Variants in TMPRSS11B observed in about 807,000 individuals in gnomAD.
TMPRSS11B encodes the protein transmembrane serine protease 11B.
In TMPRSS11B, 53 loss-of-function variants were observed where a neutral mutation model predicts 44.7. The observed-to-expected ratio is 1.19, with a 90% CI of 0.95 to 1.49. The LOEUF (loss-of-function observed/expected upper bound fraction) is 1.49. TMPRSS11B is among the 40% of genes most tolerant of loss of function. The pLI, the probability that TMPRSS11B is intolerant of heterozygous loss-of-function variation, is 0.00. For missense variants in TMPRSS11B, 526 were observed against 494.8 expected (o/e 1.06, Z -0.60); for synonymous variants, 140 against 159.2 (o/e 0.88, Z 0.91).
At chr4:68,243,947 C>G (rs574806814) in intron 1 of TMPRSS11B, among the ~76,000 whole-genome samples, 1 of 152,202 alleles carries the variant, frequency 6.6e-6, no homozygotes, top group African/African-American at 2.4e-5. Context: ...TGACTTTTTC[C>G]TCCTCACATG....
intron 2 of TMPRSS11B, among the ~76,000 whole-genome samples, chr4:68,237,301 G>A (rs1262204778): frequency 6.6e-6 from 1 of 152,126 alleles, no homozygotes; most frequent in Non-Finnish European, 1.5e-5. Flanking sequence ...GTACTCCATG[G>A]TGTATATGTG....
At chr4:68,244,534 G>A (rs923745177) in intron 1 of TMPRSS11B, among the ~76,000 whole-genome samples, 3 of 152,212 alleles carry the variant, frequency 2.0e-5, no homozygotes, top group Non-Finnish European at 4.4e-5. Context: ...GCTGAGGCAC[G>A]AGAATGGCTT....
At chr4:68,242,271 A>AATAT (rs1553896846) in intron 1 of TMPRSS11B, among the ~76,000 whole-genome samples, 95 of 73,940 alleles carry the variant, frequency 1.3e-3, no homozygotes, top group African/African-American at 6.7e-3. Context: ...TATATAATAT[A>AATAT]ATATTATATA....
At chr4:68,242,781 A>G (rs546530563) in intron 1 of TMPRSS11B, among the ~76,000 whole-genome samples, 1 of 152,120 alleles carries the variant, frequency 6.6e-6, no homozygotes, top group Admixed American at 6.6e-5. Context: ...TGCCCAGGCT[A>G]GTCTCAAACT....
rs769036638 is a variant in TMPRSS11B at position 68,231,473 on chromosome 4, G to T, written c.509-93C>A. The stretch of plus-strand genomic sequence containing the variant: ...TAAAAATTACTTGAAACCTTTCAGT[G>T]ATTATTCAACTTCTCCTAATTGATG... On this transcript the variant is annotated intron_variant, in intron 6 of 9. Coordinates refer to ENST00000332644, the MANE Select transcript of TMPRSS11B (RefSeq NM_182502.3). The T allele has an allele frequency of 4.3e-4, 506 of 1,165,262 alleles. 1 individual carries two copies. Among genetic ancestry groups the T allele is most frequent in the Non-Finnish European group, 5.7e-4 (475 of 840,172 alleles). The allele number at this position is 1,165,262 out of a possible 1,614,324, so 72.2% of individuals were successfully genotyped here. A position where few individuals can be genotyped will look rare whatever the true frequency, so the allele number is the denominator to read the frequency against.
chr4:68,234,713 C>T (rs1719615043), intron 4 of TMPRSS11B, 90 bp from the exon 5 acceptor site: 5 of 1,363,722 alleles, frequency 3.7e-6, no homozygotes, highest in Non-Finnish European at 5.0e-6. Context: ...TTAATTATCA[C>T]ATTTTCTTTA....
intron 6 of TMPRSS11B, 66 bp downstream of exon 6, chr4:68,232,312 A>C: frequency 1.4e-6 from 2 of 1,453,344 alleles, no homozygotes; most frequent in Non-Finnish European, 1.9e-6. Context: ...AGTATTTTTA[A>C]TAGAAAAATA....
intron 2 of TMPRSS11B, among the ~76,000 whole-genome samples, chr4:68,238,884 G>A (rs1272141304): frequency 6.6e-6 from 1 of 152,110 alleles, no homozygotes; most frequent in Non-Finnish European, 1.5e-5. Context: ...TGCTAACTTT[G>A]TGTTACATCC....
In TMPRSS11B at chr4:68,228,722, G is replaced by GATA; in HGVS notation, c.1089+17_1089+19dup. The GATA allele has an allele frequency of 1.3e-6, 2 of 1,582,048 alleles. No individual in the cohort carries two copies. The highest frequency in any genetic ancestry group is 1.7e-6 in the Non-Finnish European group (2 of 1,169,422). On this transcript the variant is annotated intron_variant, in intron 9 of 9. Transcript: ENST00000332644. The stretch of plus-strand genomic sequence containing the variant: ...TTGATTAACTGGGAGAAAACAACTG[G>GATA]ATAATGTAACTAGACATACCTGACA...
At position 68,245,595 on chromosome 4, in the gene TMPRSS11B, G is replaced by A; in HGVS notation, c.-37C>T. On this transcript the variant is annotated 5_prime_UTR_variant, in exon 1 of 10. Transcript: ENST00000332644. Reference sequence around the variant, plus strand: ...TGTTATGGCAGTATCAGGTATAACGGTGGTAATGATGATGACGAAGATAAC... The same window carrying A: ...TGTTATGGCAGTATCAGGTATAACGATGGTAATGATGATGACGAAGATAAC... 1.9e-6 allele frequency: 3 copies of A among 1,610,364 alleles called. No homozygotes were observed. Among genetic ancestry groups the A allele is most frequent in the Non-Finnish European group, 2.5e-6 (3 of 1,177,064 alleles).
chr4:68,236,949 ATTATT>A, intron 2 of TMPRSS11B, among the ~76,000 whole-genome samples: 1 of 147,738 alleles, frequency 6.8e-6, no homozygotes, highest in Non-Finnish European at 1.5e-5. Context: ...TATTATTATT[ATTATT>A]ATACTTTAAC....
intron 2 of TMPRSS11B, among the ~76,000 whole-genome samples, chr4:68,238,415 C>T (rs1202092808): frequency 2.0e-5 from 3 of 152,098 alleles, no homozygotes; most frequent in African/African-American, 7.2e-5. Flanking sequence ...CTGGGATTTT[C>T]TTTATTAATC....
chr4:68,228,655 T>C lies in TMPRSS11B; in HGVS notation c.1089+87A>G, dbSNP rs573175416. ...GAAATACAAAGCTACTATGTCAGTATTATTAACACAAAAAAAATTTTATGT... is the reference window on the plus strand; with the variant it reads ...GAAATACAAAGCTACTATGTCAGTACTATTAACACAAAAAAAATTTTATGT... On this transcript the variant is annotated intron_variant, in intron 9 of 9. Coordinates refer to ENST00000332644, the MANE Select transcript of TMPRSS11B (RefSeq NM_182502.3). 82 of 1,360,354 alleles carry C rather than the reference T, an allele frequency of 6.0e-5. No homozygotes were observed. In the East Asian group the frequency reaches 1.9e-3, roughly 31 times the overall value. The allele number at this position is 1,360,354 out of a possible 1,614,324, so 84.3% of individuals were successfully genotyped here.
chr4:68,229,176 G>T, intron 8 of TMPRSS11B, 81 bp downstream of exon 8: 1 of 1,310,782 alleles, frequency 7.6e-7, no homozygotes, highest in Non-Finnish European at 1.0e-6. Context: ...AATTGCATGA[G>T]GGGATGATTG....
chr4:68,231,265 G>A lies in TMPRSS11B; in HGVS notation c.624C>T (p.His208=), dbSNP rs1339045623. The change falls in exon 7 of 10, where the codon CAC becomes CAT. Residue 208 remains histidine (H), a synonymous_variant. Coordinates refer to ENST00000332644, the MANE Select transcript of TMPRSS11B (RefSeq NM_182502.3). The stretch of plus-strand genomic sequence containing the variant: ...TGCTGATCAGAGAGGCTCCACAGTA[G>A]TGACGGCCTTTCCATTGCATGCTGG... ...WQASMQWKGR[H]YCGASLISSR... 2 of 1,613,776 alleles carry A rather than the reference G, an allele frequency of 1.2e-6. No individual in the cohort carries two copies. The highest frequency in any genetic ancestry group is 1.1e-5 in the South Asian group (1 of 91,058).
intron 2 of TMPRSS11B, among the ~76,000 whole-genome samples, chr4:68,238,025 AT>A (rs1170224462): frequency 1.3e-5 from 2 of 152,132 alleles, no homozygotes; most frequent in African/African-American, 4.8e-5. Context: ...GTCAAAAAAA[AT>A]AAAATAAAAA....
chr4:68,228,115 A>C (rs1452988987), intron 9 of TMPRSS11B, 43 bp from the exon 10 acceptor site: 2 of 1,529,058 alleles, frequency 1.3e-6, no homozygotes, highest in African/African-American at 1.4e-5. Flanking sequence ...CTTAACAAAA[A>C]ATTTCCTTTT....
Position 68,226,824 on chromosome 4 carries a change from C to G in TMPRSS11B, c.*1087G>C, listed in dbSNP as rs1463263738. 10 of 152,152 alleles carry G rather than the reference C, an allele frequency of 6.6e-5. No individual in the cohort carries two copies. Among genetic ancestry groups the G allele is most frequent in the Non-Finnish European group, 1.2e-4 (8 of 68,038 alleles). The allele number at this position is 152,152 out of a possible 1,614,324, so 9.4% of individuals were successfully genotyped here. On this transcript the variant is annotated 3_prime_UTR_variant, in exon 10 of 10. Transcript: ENST00000332644. ...CACACAGTTCTCTGCCCTTGATGACCTCATATTATTTTTGCTGCAAGAGAA... is the reference window on the plus strand; with the variant it reads ...CACACAGTTCTCTGCCCTTGATGACGTCATATTATTTTTGCTGCAAGAGAA...
At chr4:68,243,801 T>C (rs184342977) in intron 1 of TMPRSS11B, among the ~76,000 whole-genome samples, 6 of 152,306 alleles carry the variant, frequency 3.9e-5, no homozygotes, top group Admixed American at 1.3e-4. Flanking sequence ...GTAGCCTAAA[T>C]AATTATTCTA....
Sources: gnomAD v4.1 joint callset for allele counts (sites outside exome capture counted in the v4.1 genomes callset) on GRCh38, gnomAD v4.1.1 for gene constraint, MANE v1.5 for transcripts, NCBI Gene and HGNC (gene_info 2026-07-23, HGNC 2026-07-21) for gene names.